Variants in EPB41L5 observed in about 807,000 individuals in gnomAD.
EPB41L5 encodes the protein erythrocyte membrane protein band 4.1 like 5, also known as band 4.1-like protein 5.
Under a neutral mutation model 106.6 loss-of-function variants are expected in EPB41L5, and 55 were observed. The observed-to-expected ratio is 0.52, with a 90% CI of 0.42 to 0.65. The LOEUF is 0.65. EPB41L5 is among the 30% of genes least tolerant of loss of function. The pLI is 0.00. For synonymous variants in EPB41L5, 297 were observed against 306.7 expected (o/e 0.97, Z 0.33); for missense variants, 871 against 882.1 (o/e 0.99, Z 0.16).
Position 120,091,549 on chromosome 2 carries a change from AT to A in EPB41L5, c.1044-3del. 4 of 1,609,604 alleles carry A rather than the reference AT, an allele frequency of 2.5e-6. No homozygotes were observed. The highest frequency in any genetic ancestry group is 3.4e-6 in the Non-Finnish European group (4 of 1,176,336). ...ATTTCCCTTACTTCTGTTATGCCTC[AT>A]TTAGTGGGAAAACAGAGTATCAGAC... is the stretch of plus-strand genomic sequence containing the variant. On this transcript the variant is annotated splice_region_variant and splice_polypyrimidine_tract_variant and intron_variant, in intron 12 of 24. Transcript: ENST00000263713.
At chr2:120,053,344 T>TA (rs962750093) in intron 3 of EPB41L5, among the ~76,000 whole-genome samples, 9 of 151,950 alleles carry the variant, frequency 5.9e-5, no homozygotes, top group African/African-American at 1.7e-4. Context: ...GTAGGCCACT[T>TA]AAAAAAAAGA....
chr2:120,092,043 T>TTG (rs1683453586), intron 13 of EPB41L5, among the ~76,000 whole-genome samples: 1 of 151,706 alleles, frequency 6.6e-6, no homozygotes. Context: ...TTTATTTATT[T>TTG]ATTTTGAGAT....
At chr2:120,127,662 A>G (rs1244637769) in intron 16 of EPB41L5, 26 bp from the exon 17 acceptor site, 6 of 1,546,942 alleles carry the variant, frequency 3.9e-6, no homozygotes, top group South Asian at 1.2e-5. Flanking sequence ...TTCTTGGTCT[A>G]AGTAAATTTT....
chr2:120,067,840 A>G (rs1251860864), intron 3 of EPB41L5, among the ~76,000 whole-genome samples: 1 of 152,194 alleles, frequency 6.6e-6, no homozygotes, highest in Non-Finnish European at 1.5e-5. Context: ...AGGCACTGGA[A>G]TATGGGGATA....
At chr2:120,159,260 T>TAAA (rs755674025) in intron 20 of EPB41L5, among the ~76,000 whole-genome samples, 5 of 124,398 alleles carry the variant, frequency 4.0e-5, no homozygotes, top group African/African-American at 1.5e-4. Flanking sequence ...CCGTCTCTAC[T>TAAA]AAAAAAAAAA....
intron 16 of EPB41L5, chr2:120,107,060 G>A (rs1430908234): frequency 2.7e-6 from 1 of 375,598 alleles, no homozygotes; most frequent in African/African-American, 2.2e-5. Flanking sequence ...TATAACACTT[G>A]GTTGGATCTT....
At chr2:120,160,849 T>A in intron 20 of EPB41L5, 32 bp from the exon 21 acceptor site, 2 of 1,529,924 alleles carry the variant, frequency 1.3e-6, no homozygotes, top group Non-Finnish European at 1.8e-6. Context: ...GTACAGGTCC[T>A]ACATGATGTG....
At chr2:120,136,865 T>G (rs1013164444) in intron 18 of EPB41L5, among the ~76,000 whole-genome samples, 1 of 152,078 alleles carries the variant, frequency 6.6e-6, no homozygotes, top group African/African-American at 2.4e-5. Context: ...AAAATTGGAT[T>G]TAATCAGTGT....
At chr2:120,014,309 T>G (rs1677360874) in intron 1 of EPB41L5, among the ~76,000 whole-genome samples, 1 of 152,204 alleles carries the variant, frequency 6.6e-6, no homozygotes, top group Non-Finnish European at 1.5e-5. Context: ...ATCCTTCTAG[T>G]TAGGAACTAG....
intron 3 of EPB41L5, among the ~76,000 whole-genome samples, chr2:120,056,691 T>C (rs1184304252): frequency 6.7e-6 from 1 of 148,546 alleles, no homozygotes; most frequent in Non-Finnish European, 1.5e-5. Flanking sequence ...TTTTTTCTGG[T>C]TTGGGTGTAA....
chr2:120,076,316 T>A (rs1247212583), intron 7 of EPB41L5, among the ~76,000 whole-genome samples: 31 of 151,988 alleles, frequency 2.0e-4, no homozygotes. Flanking sequence ...TTCTTTTGTT[T>A]TGTTTTTTTT....
At chr2:120,056,420 T>G (rs978143421) in intron 3 of EPB41L5, among the ~76,000 whole-genome samples, 2 of 151,856 alleles carry the variant, frequency 1.3e-5, no homozygotes, top group African/African-American at 2.4e-5. Flanking sequence ...TGCCTCAGCC[T>G]CCCAAGGAGC....
At position 120,160,958 on chromosome 2, in the gene EPB41L5, G is replaced by C; in HGVS notation, c.1871G>C (p.Ser624Thr). ...ETLMLITPAD[S>T]GSVLKEATDE... Reference sequence around the variant, plus strand: ...CTGATGCTTATCACACCTGCCGACAGTGGTTCTGTTCTAAAGGTAAGAATA... The same window carrying C: ...CTGATGCTTATCACACCTGCCGACACTGGTTCTGTTCTAAAGGTAAGAATA... The change falls in exon 21 of 25, where the codon AGT (serine) becomes ACT (threonine). Residue 624 changes from serine to threonine, a missense_variant. By Grantham distance (58) the Ser-to-Thr change is moderately conservative. Coordinates refer to ENST00000263713, the MANE Select transcript of EPB41L5 (RefSeq NM_020909.4). The C allele has an allele frequency of 6.2e-7, 1 of 1,613,716 alleles. No homozygotes were observed. Among genetic ancestry groups the C allele is most frequent in the Non-Finnish European group, 8.5e-7 (1 of 1,179,612 alleles).
intron 20 of EPB41L5, among the ~76,000 whole-genome samples, chr2:120,156,426 A>G (rs998534245): frequency 2.0e-5 from 3 of 152,160 alleles, no homozygotes; most frequent in Non-Finnish European, 2.9e-5. Context: ...AGTGCCCCAC[A>G]TCGCTTTGCT....
chr2:120,118,073 A>G (rs1397083071), intron 16 of EPB41L5, among the ~76,000 whole-genome samples: 1 of 152,208 alleles, frequency 6.6e-6, no homozygotes, highest in Admixed American at 6.5e-5. Context: ...AATTTAATAG[A>G]GTTTTCCTCA....
At chr2:120,109,887 A>C (rs968931155) in intron 16 of EPB41L5, among the ~76,000 whole-genome samples, 5 of 152,238 alleles carry the variant, frequency 3.3e-5, no homozygotes, top group African/African-American at 4.8e-5. Context: ...ACTGGGTATG[A>C]TTGTGCAGAT....
At position 120,013,099 on chromosome 2, in the gene EPB41L5, T is replaced by G. The variant is rs1473749783; in HGVS notation, c.-120T>G. The G allele has an allele frequency of 6.6e-6, 1 of 152,070 alleles. No individual in the cohort carries two copies. Among genetic ancestry groups the G allele is most frequent in the Non-Finnish European group, 1.5e-5 (1 of 68,026 alleles). The allele number at this position is 152,070 out of a possible 1,614,324, so 9.4% of individuals were successfully genotyped here. On this transcript the variant is annotated 5_prime_UTR_variant, in exon 1 of 25. Transcript: ENST00000263713. Reference sequence around the variant, plus strand: ...GGGGTCCTCCGGGGATTAGAGCCGGTGGGCTCGTTGTGGGCGCCATTTCTC... The same window carrying G: ...GGGGTCCTCCGGGGATTAGAGCCGGGGGGCTCGTTGTGGGCGCCATTTCTC...
At position 120,146,091 on chromosome 2, in the gene EPB41L5, G is replaced by A. The variant is rs980367010; in HGVS notation, c.1729-134G>A. ...TAGGTACACTGCTGGTATTTCCATA[G>A]ATAAGGTATGATTACCTCTTATTTT... is the stretch of plus-strand genomic sequence containing the variant. On this transcript the variant is annotated intron_variant, in intron 19 of 24. Transcript: ENST00000263713. 1.2e-5 allele frequency: 7 copies of A among 600,262 alleles called. No homozygotes were observed. The African/African-American group carries it at 1.3e-4, about 11-fold the overall frequency. The allele number at this position is 600,262 out of a possible 1,614,324, so 37.2% of individuals were successfully genotyped here. A position where few individuals can be genotyped will look rare whatever the true frequency, so the allele number is the denominator to read the frequency against.
intron 14 of EPB41L5, among the ~76,000 whole-genome samples, chr2:120,095,559 T>G (rs1351997160): frequency 6.6e-6 from 1 of 152,068 alleles, no homozygotes; most frequent in African/African-American, 2.4e-5. Context: ...ACTGATTTTT[T>G]TTTTTAAACC....
Sources: gnomAD v4.1 joint callset for allele counts (sites outside exome capture counted in the v4.1 genomes callset) on GRCh38, gnomAD v4.1.1 for gene constraint, MANE v1.5 for transcripts, NCBI Gene and HGNC (gene_info 2026-07-23, HGNC 2026-07-21) for gene names.